The following ANAPC2 variants were observed in gnomAD, a reference collection of about 807,000 sequenced individuals.
The protein encoded by ANAPC2 is anaphase promoting complex subunit 2.
A neutral mutation model predicts 84.3 loss-of-function variants in ANAPC2; 29 were observed. The ratio of observed to expected loss-of-function variants is 0.34; its 90% confidence interval spans 0.26 to 0.47. The LOEUF is 0.47. Among genes scored for constraint, ANAPC2 ranks in the 20% least tolerant of loss-of-function variants. The pLI, the probability that ANAPC2 is intolerant of heterozygous loss-of-function variation, is 1.00. For missense variants in ANAPC2, 857 were observed against 1,131.7 expected, an observed-to-expected ratio of 0.76 and a Z score of 3.48; for synonymous variants, 571 against 479.4, an observed-to-expected ratio of 1.19 and a Z score of -2.50.
intron 10 of ANAPC2, 38 bp from the exon 11 acceptor site, chr9:137,175,875 C>A: frequency 6.4e-7 from 1 of 1,561,540 alleles, no homozygotes; most frequent in East Asian, 2.4e-5. Flanking sequence ...AGCTCGGCTG[C>A]AGGGCGCTCA....
intron 6 of ANAPC2, 53 bp from the exon 7 acceptor site, chr9:137,181,915 T>G: frequency 6.5e-7 from 1 of 1,543,328 alleles, no homozygotes; most frequent in Non-Finnish European, 8.7e-7. Context: ...CGCGCGCACC[T>G]CCCACCACTC....
At position 137,180,483 on chromosome 9, in the gene ANAPC2, G is replaced by T. The variant is rs776788407; in HGVS notation, c.1655C>A (p.Ala552Asp). The T allele has an allele frequency of 6.2e-7, 1 of 1,612,916 alleles. No homozygotes were observed. The highest frequency in any genetic ancestry group is 1.7e-5 in the Admixed American group (1 of 60,012). ...CATGACTTCACAGAAGTGCATTGGGGCCTCGCCAAAGCGCAGCTTCAGCAG... is the reference window on the plus strand; with the variant it reads ...CATGACTTCACAGAAGTGCATTGGGTCCTCGCCAAAGCGCAGCTTCAGCAG... ...VELLKLRFGE[A>D]PMHFCEVMLK... Residue 552 changes from alanine (A) to aspartate (D), a missense_variant, in exon 9 of 13, where the codon GCC becomes GAC. Around this residue, in one of 3 missense-constraint regions of ANAPC2, gnomAD observed 425 missense variants for 595.5 expected, o/e 0.71. Coordinates refer to ENST00000323927, the MANE Select transcript of ANAPC2 (RefSeq NM_013366.4).
At chr9:137,176,439 A>G (rs1436408370) in intron 10 of ANAPC2, 1 of 152,386 alleles carries the variant, frequency 6.6e-6, no homozygotes, top group Non-Finnish European at 1.5e-5. Context: ...CAGCAGCCAC[A>G]GTAAACGAAC....
chr9:137,177,521 T>TCTATTTACGTAGAGGAATGGCGC (rs1834249240), intron 10 of ANAPC2, among the ~76,000 whole-genome samples: 1 of 152,168 alleles, frequency 6.6e-6, no homozygotes, highest in Non-Finnish European at 1.5e-5. Context: ...CTCGTTAAGA[T>TCTATTTACGTAGAGGAATGGCGC]GCATTTACAG....
intron 6 of ANAPC2, 86 bp downstream of exon 6, chr9:137,183,039 C>T: frequency 1.8e-6 from 2 of 1,105,494 alleles, no homozygotes; most frequent in Non-Finnish European, 2.7e-6. Flanking sequence ...CGGCCGAACA[C>T]ACCCTCCGGC....
At chr9:137,183,867 G>T in intron 4 of ANAPC2, 76 bp from the exon 5 acceptor site, 1 of 1,567,250 alleles carries the variant, frequency 6.4e-7, no homozygotes. Context: ...AGTGTGTGCG[G>T]TGTGGGAAAG....
chr9:137,178,067 C>T (rs2131331785), intron 10 of ANAPC2, among the ~76,000 whole-genome samples: 1 of 152,364 alleles, frequency 6.6e-6, no homozygotes, highest in Admixed American at 6.5e-5. Context: ...CACTGACACA[C>T]CTGCTCTGTG....
chr9:137,177,523 C>A (rs180815328), intron 10 of ANAPC2, among the ~76,000 whole-genome samples: 13 of 148,086 alleles, frequency 8.8e-5, no homozygotes, highest in Admixed American at 4.6e-4. Context: ...CGTTAAGATG[C>A]ATTTACAGGC....
Position 137,180,788 on chromosome 9 carries a change from C to T in ANAPC2, c.1610G>A (p.Arg537Gln), listed in dbSNP as rs148237012. 5 of 1,610,142 alleles carry T rather than the reference C, an allele frequency of 3.1e-6. No individual in the cohort carries two copies. Among genetic ancestry groups the T allele is most frequent in the African/African-American group, 2.7e-5 (2 of 74,932 alleles). ...LLHQFSFSPE[R>Q]EIRNVELLKL... Reference sequence around the variant, plus strand: ...ATGGCCAGCGCGTCACAGGCCTCACCGCTCGGGGCTGAAGCTGAACTGGTG... The same window carrying T: ...ATGGCCAGCGCGTCACAGGCCTCACTGCTCGGGGCTGAAGCTGAACTGGTG... Residue 537 changes from arginine to glutamine, a missense_variant and splice_region_variant, in exon 8 of 13, where the codon CGG (arginine) becomes CAG (glutamine). Physicochemically the swap from Arg to Gln is conservative, Grantham distance 43 (BLOSUM62 1). Transcript: ENST00000323927.
At chr9:137,176,213 G>A (rs1012646384) in intron 10 of ANAPC2, 16 of 180,480 alleles carry the variant, frequency 8.9e-5, no homozygotes, top group Non-Finnish European at 1.3e-4. Flanking sequence ...GCGGGGAGGG[G>A]GCCACACGAA....
chr9:137,176,040 C>T, intron 10 of ANAPC2: 1 of 579,082 alleles, frequency 1.7e-6, no homozygotes. Context: ...GGGCCAGCAT[C>T]ATAAGGTGTG....
chr9:137,175,144 G>A lies in ANAPC2; in HGVS notation c.2267C>T (p.Thr756Met), dbSNP rs1309391573. Residue 756 changes from threonine (T) to methionine (M), a missense_variant, in exon 13 of 13, where the codon ACG (threonine) becomes ATG (methionine). Thr to Met is a moderately conservative substitution (Grantham distance 81). Transcript: ENST00000323927. ...GTTGGTCAGCATGGCCTGGATGTAC[G>A]TCCAGAAGAGCTGCGGACACAGGCC... The part of the protein sequence containing the change: ...QKEEELLLFW[T>M]YIQAMLTNLE... 1.9e-6 allele frequency: 3 copies of A among 1,607,234 alleles called. No individual in the cohort carries two copies. Among genetic ancestry groups the A allele is most frequent in the Non-Finnish European group, 2.5e-6 (3 of 1,177,562 alleles).
At position 137,174,873 on chromosome 9, in the gene ANAPC2, G is replaced by C; in HGVS notation, c.*69C>G. The C allele has an allele frequency of 6.9e-7, 1 of 1,458,780 alleles. No individual in the cohort carries two copies. Among genetic ancestry groups the C allele is most frequent in the Non-Finnish European group, 9.1e-7 (1 of 1,102,670 alleles). 90.4% of individuals were successfully genotyped at this position (1,458,780 alleles called of 1,614,324 possible). Reference sequence around the variant, plus strand: ...CATTCTGGGACACGGGCGGGCGGGGGCTGGCACGGGAGGACGAGAGCACCT... The same window carrying C: ...CATTCTGGGACACGGGCGGGCGGGGCCTGGCACGGGAGGACGAGAGCACCT... On this transcript the variant is annotated 3_prime_UTR_variant, in exon 13 of 13. Transcript: ENST00000323927. The surrounding 1 kb of genome is among the most constrained non-coding windows in gnomAD (Gnocchi z 6.1).
At chr9:137,180,706 A>G in intron 8 of ANAPC2, 82 bp downstream of exon 8, 3 of 1,574,332 alleles carry the variant, frequency 1.9e-6, no homozygotes, top group Non-Finnish European at 2.6e-6. Context: ...GGCCCCAGGC[A>G]CGGCGTCAGG....
chr9:137,182,025 A>C (rs1221245994), intron 6 of ANAPC2, among the ~76,000 whole-genome samples, 163 bp from the exon 7 acceptor site: 1 of 152,120 alleles, frequency 6.6e-6, no homozygotes, highest in Non-Finnish European at 1.5e-5. Context: ...AGACTCCTTA[A>C]AAACAAATAA....
chr9:137,181,891 C>T, intron 6 of ANAPC2, 29 bp from the exon 7 acceptor site: 4 of 1,586,168 alleles, frequency 2.5e-6, no homozygotes, highest in Non-Finnish European at 3.4e-6. Flanking sequence ...CTGTGGCCCA[C>T]AGTGTGGACA....
intron 12 of ANAPC2, 34 bp downstream of exon 12, chr9:137,175,203 G>A (rs770450491): frequency 6.9e-6 from 11 of 1,604,958 alleles, no homozygotes; most frequent in African/African-American, 4.0e-5. Context: ...CCTCGCCCCC[G>A]CCCCCTGGCC....
rs376664418 is a variant in ANAPC2, at chr9:137,187,964, T to A, written c.257A>T (p.Asn86Ile). The A allele has an allele frequency of 6.2e-7, 1 of 1,613,896 alleles. No individual in the cohort carries two copies. The highest frequency in any genetic ancestry group is 2.2e-5 in the East Asian group (1 of 44,880). ...GGCATTCCAGAACTCAGGGGAGATG[T>A]TGGCCTGCAGATCGTTCTGCAGCAC... ...VEVLQNDLQA[N>I]ISPEFWNAIS... Residue 86 changes from asparagine (N) to isoleucine (I), a missense_variant, in exon 2 of 13, where the codon AAC becomes ATC. Transcript: ENST00000323927.
At chr9:137,181,123 CCT>C (rs765808253) in intron 7 of ANAPC2, among the ~76,000 whole-genome samples, 194 bp from the exon 8 acceptor site, 84 of 152,324 alleles carry the variant, frequency 5.5e-4, no homozygotes, top group Middle Eastern at 3.4e-3. Flanking sequence ...ATCCCCAGCC[CCT>C]CTCACCCCAC....
Sources: gnomAD v4.1 joint callset for allele counts (sites outside exome capture counted in the v4.1 genomes callset) on GRCh38, gnomAD v4.1.1 for gene constraint, gnomAD v4.1.1 regional missense constraint, Gnocchi (gnomAD v3.1) non-coding constraint, MANE v1.5 for transcripts, NCBI Gene and HGNC (gene_info 2026-07-23, HGNC 2026-07-21) for gene names.